The following TMEM178B variants were observed in gnomAD, a reference collection of about 807,000 sequenced individuals.
The protein encoded by TMEM178B is transmembrane protein 178B.
A neutral mutation model predicts 31.0 loss-of-function variants in TMEM178B; 5 were observed. The ratio of observed to expected loss-of-function variants is 0.16; its 90% CI spans 0.08 to 0.34. The LOEUF (loss-of-function observed/expected upper bound fraction) is 0.34. Ranked by LOEUF, TMEM178B falls within the 10% of genes least tolerant of loss-of-function variation. TMEM178B has a pLI of 1.00. For synonymous variants in TMEM178B, 164 were observed against 164.0 expected (o/e 1.00, Z 0.00); for missense variants, 275 against 400.3 (o/e 0.69, Z 2.67).
rs778445408 is a variant in TMEM178B, at chr7:141,349,646, C to T, written c.497-87962C>T. On this transcript the variant is annotated intron_variant, in intron 2 of 3. Transcript: ENST00000565468. ...ATTATCTGTTATGGCAGAAGGCAAT[C>T]GTTTCATGGAACAAAGGAAAGATTC... Among the ~76,000 whole-genome samples the T allele has an allele frequency of 5.3e-5, 8 of 152,234 alleles. No homozygotes were observed. In the East Asian group the frequency reaches 1.4e-3, roughly 26 times the overall value.
chr7:141,292,322 T>C (rs1329049726), intron 2 of TMEM178B, among the ~76,000 whole-genome samples: 1 of 152,276 alleles, frequency 6.6e-6, no homozygotes, highest in Non-Finnish European at 1.5e-5. Context: ...CTCTTTGGTT[T>C]ATTCTAATTT....
At chr7:141,449,255 A>AC (rs1801817954) in intron 3 of TMEM178B, among the ~76,000 whole-genome samples, 1 of 151,742 alleles carries the variant, frequency 6.6e-6, no homozygotes, top group Non-Finnish European at 1.5e-5. Flanking sequence ...AAATGGAGAG[A>AC]CCCCTCCTAT....
chr7:141,264,601 G>A (rs1021329131), intron 2 of TMEM178B, among the ~76,000 whole-genome samples: 1 of 152,182 alleles, frequency 6.6e-6, no homozygotes, highest in Non-Finnish European at 1.5e-5. Context: ...AAACCCAGTG[G>A]ATTTGTTGGT....
At chr7:141,188,277 A>G (rs1002937152) in intron 1 of TMEM178B, among the ~76,000 whole-genome samples, 7 of 152,178 alleles carry the variant, frequency 4.6e-5, no homozygotes, top group African/African-American at 1.7e-4. Flanking sequence ...GAGCATCCCT[A>G]ATCCAAAAAT....
At chr7:141,322,688 G>C (rs1328000390) in intron 2 of TMEM178B, among the ~76,000 whole-genome samples, 1 of 152,208 alleles carries the variant, frequency 6.6e-6, no homozygotes, top group Non-Finnish European at 1.5e-5. Flanking sequence ...AGGCTTGGAG[G>C]TGCATGGGGT....
intron 2 of TMEM178B, among the ~76,000 whole-genome samples, chr7:141,419,785 T>G (rs945566783): frequency 2.6e-5 from 4 of 152,230 alleles, no homozygotes; most frequent in Non-Finnish European, 5.9e-5. Flanking sequence ...GAACATGTAT[T>G]TATTCCCAGA....
Position 141,422,665 on chromosome 7 carries a change from T to C in TMEM178B, c.497-14943T>C, listed in dbSNP as rs1433100609. ...TGTGTCCTCTAAATTCTAGAGTACC[T>C]GCACATAGCTCTCTGTGTGGTTCTC... On this transcript the variant is annotated intron_variant, in intron 2 of 3. Transcript: ENST00000565468. This position sits in a 1 kb window ranked among gnomAD's most constrained non-coding sequence, Gnocchi z 4.2. Among the ~76,000 whole-genome samples, 13 of 152,152 alleles carry C rather than the reference T, an allele frequency of 8.5e-5. No individual in the cohort carries two copies. Among genetic ancestry groups the C allele is most frequent in the Non-Finnish European group, 1.5e-4 (10 of 68,028 alleles).
At chr7:141,460,740 C>T (rs1356383911) in intron 3 of TMEM178B, among the ~76,000 whole-genome samples, 1 of 152,194 alleles carries the variant, frequency 6.6e-6, no homozygotes, top group African/African-American at 2.4e-5. Flanking sequence ...CTGCTTGCCC[C>T]AGAGGCTTGA....
chr7:141,205,427 G>A (rs1339514023), intron 1 of TMEM178B, among the ~76,000 whole-genome samples: 5 of 152,214 alleles, frequency 3.3e-5, no homozygotes, highest in Admixed American at 6.5e-5. Flanking sequence ...GTGCCCAGGT[G>A]CCGTTGTGAG....
chr7:141,509,305 A>G, the TMEM178B span, among the ~76,000 whole-genome samples: 1 of 152,108 alleles, frequency 6.6e-6, no homozygotes, highest in Non-Finnish European at 1.5e-5. Flanking sequence ...AGTAGTAGGG[A>G]GGATAGAAAA....
rs552095673 is a variant in TMEM178B at position 141,302,690 on chromosome 7, T to G, written c.496+89986T>G. On this transcript the variant is annotated intron_variant, in intron 2 of 3. Transcript: ENST00000565468. Reference sequence around the variant, plus strand: ...TATTTTACCACAGTAGAAAAAAAAGTCTTGGCAGGCTGCAAGGTGCCAACA... The same window carrying G: ...TATTTTACCACAGTAGAAAAAAAAGGCTTGGCAGGCTGCAAGGTGCCAACA... Among the ~76,000 whole-genome samples, 10 of 152,208 alleles carry G rather than the reference T, an allele frequency of 6.6e-5. No individual in the cohort carries two copies. In the East Asian group the frequency reaches 1.7e-3, roughly 26 times the overall value.
intron 1 of TMEM178B, among the ~76,000 whole-genome samples, chr7:141,190,629 C>T (rs934282614): frequency 6.6e-6 from 1 of 152,110 alleles, no homozygotes; most frequent in South Asian, 2.1e-4. Context: ...TTACTGAATA[C>T]TGTATTGAAA....
intron 2 of TMEM178B, among the ~76,000 whole-genome samples, chr7:141,243,948 C>T (rs186665440): frequency 1.2e-3 from 177 of 152,252 alleles, no homozygotes; most frequent in Admixed American, 3.5e-3. Flanking sequence ...CAATGCCTGC[C>T]CTCATGACGG....
intron 2 of TMEM178B, among the ~76,000 whole-genome samples, chr7:141,251,003 A>T (rs1422885975): frequency 6.6e-6 from 1 of 151,806 alleles, no homozygotes; most frequent in Non-Finnish European, 1.5e-5. Context: ...TTTGCATTCA[A>T]CTCTATGTTT....
chr7:141,390,354 C>T (rs1800512646), intron 2 of TMEM178B, among the ~76,000 whole-genome samples: 3 of 152,210 alleles, frequency 2.0e-5, no homozygotes, highest in Admixed American at 6.5e-5. Context: ...TATGAACAGG[C>T]TTTGGTGGTT....
intron 2 of TMEM178B, among the ~76,000 whole-genome samples, chr7:141,329,524 G>A (rs963094921): frequency 1.3e-5 from 2 of 152,136 alleles, no homozygotes; most frequent in Admixed American, 1.3e-4. Flanking sequence ...CTCTTCCACA[G>A]GATAAAGCTT....
intron 2 of TMEM178B, among the ~76,000 whole-genome samples, chr7:141,412,592 T>C (rs909131489): frequency 5.3e-5 from 8 of 152,020 alleles, no homozygotes; most frequent in African/African-American, 1.9e-4. Context: ...AAATGTTGAG[T>C]TTTATTTGAT....
the TMEM178B span, among the ~76,000 whole-genome samples, chr7:141,508,537 T>C: frequency 6.6e-6 from 1 of 152,192 alleles, no homozygotes; most frequent in Non-Finnish European, 1.5e-5. Flanking sequence ...ACCAATTTAC[T>C]GTATTAGTCC....
intron 1 of TMEM178B, among the ~76,000 whole-genome samples, chr7:141,155,040 T>C (rs1796045692): frequency 6.6e-6 from 1 of 152,098 alleles, no homozygotes; most frequent in African/African-American, 2.4e-5. Context: ...CAGCTGTTGA[T>C]TTTTTCAGCT....
Sources: allele counts gnomAD v4.1 joint callset (sites outside exome capture counted in the v4.1 genomes callset), GRCh38; gene constraint gnomAD v4.1.1; non-coding constraint Gnocchi (gnomAD v3.1); transcripts MANE v1.5; gene names NCBI Gene and HGNC (gene_info 2026-07-23, HGNC 2026-07-21).